SPOCK1: variants seen among roughly 807,000 people sequenced by gnomAD.
SPOCK1 encodes SPARC (osteonectin), cwcv and kazal like domains proteoglycan 1.
SPOCK1 carries 23 observed loss-of-function variants against 55.3 expected under a neutral mutation model. That is an observed-to-expected ratio of 0.42 (90% CI 0.30 to 0.59). The LOEUF (loss-of-function observed/expected upper bound fraction) is 0.59. SPOCK1 is among the 20% of genes least tolerant of loss of function. The probability of loss-of-function intolerance (pLI) is 0.22; values close to 1 mark genes in which losing one functional copy is unlikely to be tolerated. For missense variants in SPOCK1, 499 were observed against 552.5 expected, an observed-to-expected ratio of 0.90 and a Z score of 0.97; for synonymous variants, 226 against 221.0, an observed-to-expected ratio of 1.02 and a Z score of -0.20.
chr5:137,064,876 A>G (rs1405435889), intron 6 of SPOCK1, among the ~76,000 whole-genome samples: 1 of 152,176 alleles, frequency 6.6e-6, no homozygotes. Flanking sequence ...GGATTTATCA[A>G]TGCCCTCACT....
At chr5:137,349,637 G>A (rs1750632497) in intron 2 of SPOCK1, among the ~76,000 whole-genome samples, 1 of 152,202 alleles carries the variant, frequency 6.6e-6, no homozygotes, top group Admixed American at 6.5e-5. Context: ...GGCCAGGAGG[G>A]AGAATCTGTT....
chr5:137,290,214 T>C (rs1183125512), intron 2 of SPOCK1, among the ~76,000 whole-genome samples: 2 of 152,330 alleles, frequency 1.3e-5, no homozygotes, highest in East Asian at 3.9e-4. Flanking sequence ...CCACCAGGAA[T>C]ATTAATCAAA....
intron 3 of SPOCK1, among the ~76,000 whole-genome samples, chr5:137,161,264 A>C (rs1754552982): frequency 6.6e-6 from 1 of 151,806 alleles, no homozygotes. Context: ...CAGACTTCTT[A>C]AAATGGGATC....
At chr5:137,225,753 T>C (rs1755933376) in intron 3 of SPOCK1, among the ~76,000 whole-genome samples, 1 of 152,190 alleles carries the variant, frequency 6.6e-6, no homozygotes, top group African/African-American at 2.4e-5. Flanking sequence ...GCTGCAAAAT[T>C]TGCATGTCTA....
intron 6 of SPOCK1, among the ~76,000 whole-genome samples, chr5:137,029,568 G>A (rs911340835): frequency 1.2e-4 from 18 of 152,134 alleles, no homozygotes; most frequent in African/African-American, 3.4e-4. Flanking sequence ...GCCCTGGGTC[G>A]GCTTGGCCTT....
At chr5:137,458,647 G>T (rs1358746703) in intron 2 of SPOCK1, among the ~76,000 whole-genome samples, 1 of 152,142 alleles carries the variant, frequency 6.6e-6, no homozygotes, top group Non-Finnish European at 1.5e-5. Flanking sequence ...CTAGAGTAAG[G>T]GTTCCATTTC....
Position 137,134,128 on chromosome 5 carries a change from G to A in SPOCK1, c.347+6452C>T, listed in dbSNP as rs186696077. ...GGTTCTAATCTTCCCCTTACTGGCA[G>A]TGTCCAATTAGGACAGTTATTTACA... On this transcript the variant is annotated intron_variant, in intron 4 of 10. Coordinates refer to ENST00000394945, the MANE Select transcript of SPOCK1 (RefSeq NM_004598.4). Among the ~76,000 whole-genome samples, 6 of 152,280 alleles carry A rather than the reference G, an allele frequency of 3.9e-5. No homozygotes were observed. In the East Asian group the frequency reaches 9.7e-4, roughly 24 times the overall value.
intron 3 of SPOCK1, among the ~76,000 whole-genome samples, chr5:137,258,149 A>T (rs1477395801): frequency 6.6e-6 from 1 of 152,188 alleles, no homozygotes; most frequent in African/African-American, 2.4e-5. Context: ...CCCTCATGCC[A>T]CATGTGTAAT....
chr5:137,319,772 C>T (rs971765594), intron 2 of SPOCK1, among the ~76,000 whole-genome samples: 1 of 151,460 alleles, frequency 6.6e-6, no homozygotes, highest in Non-Finnish European at 1.5e-5. Flanking sequence ...GGTGAAACCC[C>T]GTCTCTACTA....
chr5:137,237,545 A>T (rs1243056373), intron 3 of SPOCK1, among the ~76,000 whole-genome samples: 2 of 152,254 alleles, frequency 1.3e-5, no homozygotes, highest in African/African-American at 2.4e-5. Flanking sequence ...CACAAGTTTC[A>T]CAGGGAGCTA....
chr5:137,095,774 G>A (rs2127022004), intron 5 of SPOCK1, among the ~76,000 whole-genome samples: 1 of 152,302 alleles, frequency 6.6e-6, no homozygotes. Context: ...AAAAGTCTTA[G>A]AAATTCCAAA....
rs1386236323 is a variant in SPOCK1 at position 137,115,664 on chromosome 5, T to A, written c.348-3103A>T. Among the ~76,000 whole-genome samples, 4 of 152,148 alleles carry A rather than the reference T, an allele frequency of 2.6e-5. No homozygotes were observed. The South Asian group carries it at 8.3e-4, about 32-fold the overall frequency. The stretch of plus-strand genomic sequence containing the variant: ...CCATTCTGAATGCTCTCAATTCTAA[T>A]GAAACAAGAATACCTGTTAGATGGG... On this transcript the variant is annotated intron_variant, in intron 4 of 10. Coordinates refer to ENST00000394945, the MANE Select transcript of SPOCK1 (RefSeq NM_004598.4).
intron 6 of SPOCK1, among the ~76,000 whole-genome samples, chr5:137,013,426 G>A (rs902935433): frequency 2.0e-5 from 3 of 152,130 alleles, no homozygotes; most frequent in Non-Finnish European, 4.4e-5. Context: ...CTGCAGCCTC[G>A]TGTTAAAGAG....
At chr5:136,981,141 T>C (rs7716709) in intron 9 of SPOCK1, among the ~76,000 whole-genome samples, 26,594 of 152,024 alleles carry the variant, frequency 0.17, 3,083 homozygotes, top group Non-Finnish European at 0.24. Flanking sequence ...ACTTAGAGAG[T>C]GGGGCTGAGC....
intron 2 of SPOCK1, among the ~76,000 whole-genome samples, chr5:137,405,759 T>C (rs1752084152): frequency 6.6e-6 from 1 of 152,084 alleles, no homozygotes; most frequent in Non-Finnish European, 1.5e-5. Flanking sequence ...TTTCCATTCC[T>C]AATTTAAGAG....
chr5:137,454,941 T>C (rs1311636025), intron 2 of SPOCK1, among the ~76,000 whole-genome samples: 7 of 152,208 alleles, frequency 4.6e-5, no homozygotes, highest in Admixed American at 1.3e-4. Flanking sequence ...ATCTGTTCCA[T>C]TGTTTTTTAC....
chr5:137,319,080 C>T (rs1054137591), intron 2 of SPOCK1, among the ~76,000 whole-genome samples: 3 of 152,160 alleles, frequency 2.0e-5, no homozygotes, highest in African/African-American at 7.2e-5. Flanking sequence ...CAAGTTTGTC[C>T]AATCTCTGCC....
At chr5:137,417,581 T>A (rs546004247) in intron 2 of SPOCK1, among the ~76,000 whole-genome samples, 1 of 152,146 alleles carries the variant, frequency 6.6e-6, no homozygotes, top group Non-Finnish European at 1.5e-5. Context: ...TCTGTCACAA[T>A]TGATAAATGT....
chr5:137,265,030 G>A (rs1248046583), intron 3 of SPOCK1, among the ~76,000 whole-genome samples: 1 of 152,178 alleles, frequency 6.6e-6, no homozygotes, highest in Non-Finnish European at 1.5e-5. Flanking sequence ...AGCCTGCAGA[G>A]CTAGAAAAAG....
Sources: allele counts gnomAD v4.1 joint callset (sites outside exome capture counted in the v4.1 genomes callset), GRCh38; gene constraint gnomAD v4.1.1; transcripts MANE v1.5; gene names NCBI Gene and HGNC (gene_info 2026-07-23, HGNC 2026-07-21).